Variants in EPHB1 observed in about 807,000 individuals in gnomAD.
EPHB1 encodes the protein ephrin type-B receptor 1.
In EPHB1, 30 loss-of-function variants were observed where a neutral mutation model predicts 94.4. The observed-to-expected ratio is 0.32, with a 90% CI of 0.24 to 0.43. The LOEUF (loss-of-function observed/expected upper bound fraction) is 0.43. Among genes scored for constraint, EPHB1 ranks in the 20% least tolerant of loss-of-function variants. The probability of loss-of-function intolerance (pLI) is 1.00; values close to 1 mark genes in which losing one functional copy is unlikely to be tolerated. For missense variants in EPHB1, 1,055 were observed against 1,308.3 expected (o/e 0.81, Z 2.99); for synonymous variants, 522 against 489.1 (o/e 1.07, Z -0.89).
At chr3:135,057,870 C>A (rs747255227) in intron 3 of EPHB1, among the ~76,000 whole-genome samples, 6 of 152,180 alleles carry the variant, frequency 3.9e-5, no homozygotes, top group South Asian at 2.1e-4. Flanking sequence ...ATTGTGGGAG[C>A]CTTTGTCTTT....
At chr3:134,835,990 G>A (rs1407422243) in intron 1 of EPHB1, among the ~76,000 whole-genome samples, 8 of 152,178 alleles carry the variant, frequency 5.3e-5, no homozygotes, top group Admixed American at 5.2e-4. Context: ...TCATAAATAA[G>A]GTTTTAGTGA....
chr3:134,863,244 G>T (rs1203364966), intron 1 of EPHB1, among the ~76,000 whole-genome samples: 1 of 152,208 alleles, frequency 6.6e-6, no homozygotes, highest in East Asian at 1.9e-4. Context: ...GCCCTGTTAG[G>T]TGCATCTTCC....
chr3:134,939,385 G>A (rs1302792473), intron 2 of EPHB1, among the ~76,000 whole-genome samples: 4 of 151,910 alleles, frequency 2.6e-5, no homozygotes, highest in Middle Eastern at 3.4e-3. Flanking sequence ...GGGGGGTGGG[G>A]GGGTGGCATT....
intron 3 of EPHB1, among the ~76,000 whole-genome samples, chr3:135,030,546 G>T (rs1017607440): frequency 6.6e-6 from 1 of 152,306 alleles, no homozygotes; most frequent in East Asian, 1.9e-4. Context: ...GGGGGTCAGG[G>T]GTCAGGGACC....
intron 15 of EPHB1, among the ~76,000 whole-genome samples, chr3:135,255,708 G>GAGAGTTCTGTAGATGTCTATTAGGT (rs1310297928): frequency 4.8e-4 from 72 of 151,434 alleles, no homozygotes; most frequent in African/African-American, 1.7e-3. Context: ...ACTTGGGGTG[G>GAGAGTTCTGTAGATGTCTATTAGGT]AGAGTTCTGT....
chr3:134,843,513 T>G (rs2036814345), intron 1 of EPHB1, among the ~76,000 whole-genome samples: 1 of 152,066 alleles, frequency 6.6e-6, no homozygotes, highest in Non-Finnish European at 1.5e-5. Flanking sequence ...TTTTATCACA[T>G]GTATGTTGAT....
At chr3:135,114,753 A>G (rs1324238021) in intron 4 of EPHB1, among the ~76,000 whole-genome samples, 1 of 150,494 alleles carries the variant, frequency 6.6e-6, no homozygotes, top group East Asian at 1.9e-4. Flanking sequence ...AAATAAATAA[A>G]TAAATAAATA....
chr3:135,052,923 G>A (rs1446444110), intron 3 of EPHB1, among the ~76,000 whole-genome samples: 1 of 112,424 alleles, frequency 8.9e-6, no homozygotes, highest in African/African-American at 4.1e-5. Flanking sequence ...GTGTGTGTGT[G>A]TGTGTGTGTA....
At chr3:135,058,889 G>T (rs904701637) in intron 3 of EPHB1, among the ~76,000 whole-genome samples, 1 of 152,182 alleles carries the variant, frequency 6.6e-6, no homozygotes, top group African/African-American at 2.4e-5. Context: ...CCAATGGAGG[G>T]TTTAGTATGA....
intron 9 of EPHB1, among the ~76,000 whole-genome samples, chr3:135,173,208 G>T (rs1941862513): frequency 6.6e-6 from 1 of 151,206 alleles, no homozygotes; most frequent in South Asian, 2.1e-4. Flanking sequence ...CTAATTTTTT[G>T]TATTTTTAGT....
At chr3:134,804,069 C>CTTTTTTTTTTTT (rs1560240142) in intron 1 of EPHB1, among the ~76,000 whole-genome samples, 2 of 51,808 alleles carry the variant, frequency 3.9e-5, no homozygotes, top group Admixed American at 2.9e-4. Flanking sequence ...TCATTATTGG[C>CTTTTTTTTTTTT]TATTTTTTTT....
rs183320236 is a variant in EPHB1, at chr3:135,121,745, A to G, written c.962-10969A>G. On this transcript the variant is annotated intron_variant, in intron 4 of 15. Coordinates refer to ENST00000398015, the MANE Select transcript of EPHB1 (RefSeq NM_004441.5). ...GTCTGCTTGGGGTCTCAGGGGCCCTAGGCAAGGAGATGTTTTTCCTGCTTC... is the reference window on the plus strand; with the variant it reads ...GTCTGCTTGGGGTCTCAGGGGCCCTGGGCAAGGAGATGTTTTTCCTGCTTC... 5.9e-3 allele frequency among the ~76,000 whole-genome samples: 895 copies of G among 151,684 alleles called. 5 individuals carry two copies. Among genetic ancestry groups the G allele is most frequent in the Non-Finnish European group, 9.2e-3 (625 of 67,952 alleles).
At chr3:135,151,528 A>G (rs1181893536) in intron 5 of EPHB1, among the ~76,000 whole-genome samples, 1 of 152,106 alleles carries the variant, frequency 6.6e-6, no homozygotes, top group African/African-American at 2.4e-5. Context: ...ATATATTTTA[A>G]CACAGCTTAT....
chr3:134,931,027 G>A (rs774486783), intron 2 of EPHB1, among the ~76,000 whole-genome samples: 76 of 152,168 alleles, frequency 5.0e-4, no homozygotes, highest in Non-Finnish European at 6.2e-4. Context: ...AATGAATAAC[G>A]ATCATTCTTG....
At chr3:135,076,310 G>A (rs1036407797) in intron 3 of EPHB1, among the ~76,000 whole-genome samples, 2 of 147,952 alleles carry the variant, frequency 1.4e-5, no homozygotes, top group South Asian at 2.1e-4. Flanking sequence ...TTAAAAATGA[G>A]CAAAAATATG....
At chr3:134,832,517 T>G (rs2036598668) in intron 1 of EPHB1, among the ~76,000 whole-genome samples, 1 of 152,266 alleles carries the variant, frequency 6.6e-6, no homozygotes, top group Admixed American at 6.5e-5. Flanking sequence ...CAAGTATCAC[T>G]GCTATGAGTT....
chr3:134,985,619 C>G (rs1934569850), intron 3 of EPHB1, among the ~76,000 whole-genome samples: 1 of 152,202 alleles, frequency 6.6e-6, no homozygotes. Context: ...TTTCCTCTCT[C>G]TAAAATGAGA....
intron 3 of EPHB1, among the ~76,000 whole-genome samples, chr3:134,960,719 G>A (rs184023789): frequency 1.2e-4 from 19 of 152,330 alleles, no homozygotes; most frequent in South Asian, 6.2e-4. Flanking sequence ...AGAAGGAGGC[G>A]TTGTTGAGAG....
chr3:135,047,801 C>A (rs1319633390), intron 3 of EPHB1, among the ~76,000 whole-genome samples: 5 of 152,062 alleles, frequency 3.3e-5, no homozygotes, highest in Non-Finnish European at 7.4e-5. Flanking sequence ...GATATTTGGC[C>A]ATGTCTGGAG....
Sources: allele counts gnomAD v4.1 joint callset (sites outside exome capture counted in the v4.1 genomes callset), GRCh38; gene constraint gnomAD v4.1.1; transcripts MANE v1.5; gene names NCBI Gene and HGNC (gene_info 2026-07-23, HGNC 2026-07-21).